The following LNX1 variants were observed in gnomAD, a reference collection of about 807,000 sequenced individuals.
LNX1 encodes E3 ubiquitin-protein ligase LNX.
In LNX1, 54 loss-of-function variants were observed where a neutral mutation model predicts 68.4. The observed-to-expected ratio is 0.79, with a 90% confidence interval of 0.63 to 0.99. The LOEUF is 0.99. LNX1 is among the 50% of genes least tolerant of loss of function. The pLI is 0.00. For synonymous variants in LNX1, 336 were observed against 350.0 expected, an observed-to-expected ratio of 0.96 and a Z score of 0.45; for missense variants, 906 against 926.4, an observed-to-expected ratio of 0.98 and a Z score of 0.29.
At chr4:53,620,726 A>G (rs556305902), upstream of LNX1, among the ~76,000 whole-genome samples, 6 of 152,198 alleles carry the variant, frequency 3.9e-5, no homozygotes, top group South Asian at 2.1e-4. Flanking sequence ...GAAAAGAAAA[A>G]TTATATTAAA....
intron 2 of LNX1, among the ~76,000 whole-genome samples, chr4:53,520,544 G>T (rs1420221306): frequency 1.3e-5 from 2 of 152,172 alleles, no homozygotes; most frequent in East Asian, 3.8e-4. Context: ...ATTTCCATGC[G>T]ACAGATGATT....
rs199747919 is a variant in LNX1 at position 53,573,966 on chromosome 4, G to C, written c.37C>G (p.Leu13Val). The C allele has an allele frequency of 3.1e-4, 501 of 1,613,586 alleles. No individual in the cohort carries two copies. Among genetic ancestry groups the C allele is most frequent in the Middle Eastern group, 5.0e-4 (3 of 6,060 alleles). Residue 13 changes from leucine (L) to valine (V), a missense_variant, in exon 2 of 11, where the codon CTG becomes GTG. Coordinates refer to ENST00000263925, the MANE Select transcript of LNX1 (RefSeq NM_001126328.3). ...TGGGCTTGGCCACACACTGCACACA[G>C]GGGTTCAGGATCGTTGGCAGACTCT... ...QPESANDPEPLCAVCGQAHSL... is the reference protein window; with the variant it reads ...QPESANDPEPVCAVCGQAHSL...
chr4:53,536,747 C>T (rs780305255), intron 2 of LNX1, among the ~76,000 whole-genome samples: 8 of 152,184 alleles, frequency 5.3e-5, no homozygotes, highest in Non-Finnish European at 1.0e-4. Context: ...TGACAAACCA[C>T]TCCTTTGTTT....
intron 5 of LNX1, among the ~76,000 whole-genome samples, chr4:53,497,664 A>C (rs1441470914): frequency 6.6e-6 from 1 of 152,212 alleles, no homozygotes; most frequent in African/African-American, 2.4e-5. Flanking sequence ...TTTGTTATGC[A>C]ACCCTGCCAG....
chr4:53,486,543 A>G (rs946241987), intron 6 of LNX1, among the ~76,000 whole-genome samples: 1 of 152,206 alleles, frequency 6.6e-6, no homozygotes, highest in Non-Finnish European at 1.5e-5. Context: ...CCTTGAGGAC[A>G]TGGTTCCTGC....
chr4:53,558,362 A>G (rs1730072041), intron 2 of LNX1: 1 of 782,206 alleles, frequency 1.3e-6, no homozygotes, highest in Non-Finnish European at 1.6e-6. Context: ...GGACATGAGC[A>G]TGACACATTC....
chr4:53,635,324 C>A (rs1265257634), intron 1 of LNX1, among the ~76,000 whole-genome samples: 1 of 152,156 alleles, frequency 6.6e-6, no homozygotes, highest in Non-Finnish European at 1.5e-5. Context: ...CCGGATGTGC[C>A]TGTTTTGTGA....
Position 53,459,607 on chromosome 4 carries a change from A to T in LNX1, c.*1300T>A. 9.9e-7 allele frequency: 1 copy of T among 1,010,532 alleles called. No homozygotes were observed. Among genetic ancestry groups the T allele is most frequent in the Non-Finnish European group, 1.5e-6 (1 of 676,860 alleles). The allele number at this position is 1,010,532 out of a possible 1,614,324, so 62.6% of individuals were successfully genotyped here. A position where few individuals can be genotyped will look rare whatever the true frequency, so the allele number is the denominator to read the frequency against. ...TCCAAAATAAAAGAGTGAATTTTTCATGTTAAGTTAAAAATCTTTGTCTTG... is the reference window on the plus strand; with the variant it reads ...TCCAAAATAAAAGAGTGAATTTTTCTTGTTAAGTTAAAAATCTTTGTCTTG... On this transcript the variant is annotated 3_prime_UTR_variant, in exon 11 of 11. Coordinates refer to ENST00000263925, the MANE Select transcript of LNX1 (RefSeq NM_001126328.3).
At chr4:53,566,176 A>T (rs1316893684) in intron 2 of LNX1, among the ~76,000 whole-genome samples, 1 of 152,038 alleles carries the variant, frequency 6.6e-6, no homozygotes, top group African/African-American at 2.4e-5. Context: ...GGAGAAGAGC[A>T]ACTCCAAGAC....
chr4:53,562,505 C>T (rs1478478575), intron 2 of LNX1, among the ~76,000 whole-genome samples: 6 of 152,242 alleles, frequency 3.9e-5, no homozygotes, highest in Admixed American at 6.5e-5. Context: ...TGCATACCTA[C>T]AGCCAGTCCT....
chr4:53,635,470 A>G (rs1734435769), intron 1 of LNX1, among the ~76,000 whole-genome samples: 1 of 152,218 alleles, frequency 6.6e-6, no homozygotes, highest in African/African-American at 2.4e-5. Flanking sequence ...CAAGTATTTT[A>G]TACTAATGAA....
rs75716340 is a variant in LNX1, at chr4:53,507,129, A to G, written c.775+188T>C. On this transcript the variant is annotated intron_variant, in intron 4 of 10. Transcript: ENST00000263925. ...CAACACTTTTTTCTTCAATCTATGT[A>G]AAAAGATGATAATACTTTCTGCCTT... Among the ~76,000 whole-genome samples the G allele has an allele frequency of 2.5e-3, 388 of 152,328 alleles. 3 individuals carry two copies. Among genetic ancestry groups the G allele is most frequent in the Non-Finnish European group, 4.6e-3 (315 of 68,020 alleles).
intron 2 of LNX1, among the ~76,000 whole-genome samples, chr4:53,553,142 G>A (rs377536456): frequency 6.6e-6 from 1 of 152,140 alleles, no homozygotes; most frequent in East Asian, 1.9e-4. Context: ...ACTACAACCC[G>A]AGATCTCAGA....
At chr4:53,590,599 A>G (rs1440056205) in intron 1 of LNX1, among the ~76,000 whole-genome samples, 3 of 152,178 alleles carry the variant, frequency 2.0e-5, no homozygotes, top group African/African-American at 7.2e-5. Flanking sequence ...TGGCAGAACA[A>G]CTTCCTCGGT....
intron 1 of LNX1, among the ~76,000 whole-genome samples, chr4:53,578,277 C>T (rs577085099): frequency 6.6e-6 from 1 of 152,136 alleles, no homozygotes; most frequent in Non-Finnish European, 1.5e-5. Context: ...GGGATATGTT[C>T]TGAGAGGTGC....
chr4:53,520,369 G>A (rs1727123542), intron 2 of LNX1, among the ~76,000 whole-genome samples: 1 of 152,178 alleles, frequency 6.6e-6, no homozygotes, highest in Non-Finnish European at 1.5e-5. Flanking sequence ...AACCAGATGT[G>A]GAGTTGACAG....
At chr4:53,542,028 A>G (rs926918410) in intron 2 of LNX1, among the ~76,000 whole-genome samples, 18 of 152,230 alleles carry the variant, frequency 1.2e-4, no homozygotes, top group African/African-American at 4.3e-4. Flanking sequence ...ACAATGGTGC[A>G]GTAAAAATGA....
chr4:53,519,008 A>C (rs1038730596), intron 2 of LNX1, among the ~76,000 whole-genome samples: 2 of 152,192 alleles, frequency 1.3e-5, no homozygotes, highest in African/African-American at 4.8e-5. Context: ...TCACACTGCC[A>C]GGCCTCTGTC....
chr4:53,497,143 C>CT (rs1478276096), intron 5 of LNX1, among the ~76,000 whole-genome samples: 3 of 152,194 alleles, frequency 2.0e-5, no homozygotes, highest in African/African-American at 7.2e-5. Flanking sequence ...CTTAAACAAG[C>CT]TTAAGCTCGG....
Sources: allele counts gnomAD v4.1 joint callset (sites outside exome capture counted in the v4.1 genomes callset), GRCh38; gene constraint gnomAD v4.1.1; transcripts MANE v1.5; gene names NCBI Gene and HGNC (gene_info 2026-07-23, HGNC 2026-07-21).